The following DPP10 variants were observed in gnomAD, a reference collection of about 807,000 sequenced individuals.
DPP10 encodes the protein inactive dipeptidyl peptidase 10.
Under a neutral mutation model 120.9 loss-of-function variants are expected in DPP10, and 33 were observed. That is an observed-to-expected ratio of 0.27 (90% CI 0.21 to 0.37). DPP10 has a LOEUF of 0.37. Ranked by LOEUF, DPP10 falls within the 10% of genes least tolerant of loss-of-function variation. The probability of loss-of-function intolerance (pLI) is 1.00; values close to 1 mark genes in which losing one functional copy is unlikely to be tolerated. For synonymous variants in DPP10, 337 were observed against 326.1 expected (o/e 1.03, Z -0.36); for missense variants, 816 against 942.8 (o/e 0.87, Z 1.76).
chr2:115,518,654 AATTAT>A (rs2077631707), intron 4 of DPP10, among the ~76,000 whole-genome samples: 1 of 152,046 alleles, frequency 6.6e-6, no homozygotes, highest in Non-Finnish European at 1.5e-5. Context: ...TTAAAATAAT[AATTAT>A]ATTATTTTTG....
At chr2:115,585,530 G>T (rs2082235731) in intron 5 of DPP10, among the ~76,000 whole-genome samples, 1 of 152,046 alleles carries the variant, frequency 6.6e-6, no homozygotes, top group Admixed American at 6.6e-5. Flanking sequence ...GAATAAAAAA[G>T]GTAAATAAGT....
Position 115,578,264 on chromosome 2 carries a change from GA to G in DPP10, c.441+52295del, listed in dbSNP as rs1007888997. ...TTGTGCACCATAAGGGAATCCATTT[GA>G]AATGTAGAAGTTGACTCCAATGACA... On this transcript the variant is annotated intron_variant, in intron 5 of 25. Coordinates refer to ENST00000410059, the MANE Select transcript of DPP10 (RefSeq NM_020868.6). 1.3e-4 allele frequency among the ~76,000 whole-genome samples: 20 copies of G among 152,170 alleles called. No individual in the cohort carries two copies. The Middle Eastern group carries it at 0.01, about 78-fold the overall frequency.
intron 3 of DPP10, among the ~76,000 whole-genome samples, chr2:115,489,213 A>C (rs1055081674): frequency 1.3e-5 from 2 of 152,038 alleles, no homozygotes; most frequent in Non-Finnish European, 2.9e-5. Flanking sequence ...AGCAGCCATG[A>C]GCAATAAATA....
chr2:114,983,111 T>G (rs1700189457), intron 1 of DPP10, among the ~76,000 whole-genome samples: 1 of 152,162 alleles, frequency 6.6e-6, no homozygotes, highest in Admixed American at 6.6e-5. Flanking sequence ...ATACACTTGA[T>G]TATTAATTTT....
intron 3 of DPP10, among the ~76,000 whole-genome samples, chr2:115,436,984 A>G (rs992781731): frequency 2.6e-5 from 4 of 151,982 alleles, no homozygotes; most frequent in East Asian, 1.9e-4. Flanking sequence ...ATAAGATACA[A>G]TATTTCTCAA....
intron 13 of DPP10, among the ~76,000 whole-genome samples, chr2:115,775,099 G>A (rs1363122900): frequency 6.6e-6 from 1 of 151,806 alleles, no homozygotes; most frequent in South Asian, 2.1e-4. Flanking sequence ...ACGAAAATAT[G>A]CAATACATAT....
intron 1 of DPP10, among the ~76,000 whole-genome samples, chr2:114,665,093 C>G (rs1573921210): frequency 6.6e-6 from 1 of 152,304 alleles, no homozygotes; most frequent in African/African-American, 2.4e-5. Flanking sequence ...CATAGGTCTC[C>G]TATAAATTCA....
At chr2:114,925,072 A>G (rs1465282432) in intron 1 of DPP10, among the ~76,000 whole-genome samples, 1 of 151,988 alleles carries the variant, frequency 6.6e-6, no homozygotes, top group South Asian at 2.1e-4. Context: ...TTATCTGGGC[A>G]TAGTGGCGGG....
chr2:115,784,323 C>T lies in DPP10; in HGVS notation c.1531+1924C>T, dbSNP rs548327164. On this transcript the variant is annotated intron_variant, in intron 17 of 25. Coordinates refer to ENST00000410059, the MANE Select transcript of DPP10 (RefSeq NM_020868.6). ...TTGGGCCACATGAAGTAGAATAGTGCATGGAGAGAAAATTTTAAAAAAGAA... is the reference window on the plus strand; with the variant it reads ...TTGGGCCACATGAAGTAGAATAGTGTATGGAGAGAAAATTTTAAAAAAGAA... Among the ~76,000 whole-genome samples the T allele has an allele frequency of 3.3e-5, 5 of 152,000 alleles. No individual in the cohort carries two copies. In the East Asian group the frequency reaches 5.8e-4, roughly 18 times the overall value.
At position 115,842,448 on chromosome 2, in the gene DPP10, C is replaced by T. The variant is rs1240305594; in HGVS notation, c.*103C>T. On this transcript the variant is annotated 3_prime_UTR_variant, in exon 26 of 26. Transcript: ENST00000410059. ...GCTCCAGAATGTCAAGGGCAGCTTACGGAGATGTCACTGGAGCAGCACGCT... is the reference window on the plus strand; with the variant it reads ...GCTCCAGAATGTCAAGGGCAGCTTATGGAGATGTCACTGGAGCAGCACGCT... 5 of 1,385,216 alleles carry T rather than the reference C, an allele frequency of 3.6e-6. No individual in the cohort carries two copies. The highest frequency in any genetic ancestry group is 4.7e-5 in the East Asian group (2 of 42,380). The allele number at this position is 1,385,216 out of a possible 1,614,324, so 85.8% of individuals were successfully genotyped here.
At chr2:115,100,014 A>G (rs2048600530) in intron 1 of DPP10, among the ~76,000 whole-genome samples, 1 of 152,204 alleles carries the variant, frequency 6.6e-6, no homozygotes, top group South Asian at 2.1e-4. Context: ...AGGCAAATCT[A>G]TTCTTGGTTA....
chr2:115,503,878 A>G (rs2076811100), intron 4 of DPP10, among the ~76,000 whole-genome samples: 1 of 152,106 alleles, frequency 6.6e-6, no homozygotes, highest in South Asian at 2.1e-4. Context: ...GAGGTCAGAA[A>G]TGTGCATCCT....
At chr2:115,158,083 C>A (rs950885455) in intron 1 of DPP10, among the ~76,000 whole-genome samples, 16 of 152,198 alleles carry the variant, frequency 1.1e-4, no homozygotes, top group Non-Finnish European at 2.9e-5. Flanking sequence ...GACATATCAG[C>A]TGTTAGCTAG....
chr2:115,587,528 T>A (rs2082373835), intron 5 of DPP10, among the ~76,000 whole-genome samples: 1 of 152,220 alleles, frequency 6.6e-6, no homozygotes, highest in African/African-American at 2.4e-5. Context: ...AGTTCATCAA[T>A]GTTGTCAAAA....
intron 2 of DPP10, among the ~76,000 whole-genome samples, chr2:115,324,206 G>T (rs1202004842): frequency 1.3e-5 from 2 of 152,130 alleles, no homozygotes; most frequent in Non-Finnish European, 2.9e-5. Flanking sequence ...AACCCAGGAG[G>T]TGGAGGTTGC....
intron 1 of DPP10, among the ~76,000 whole-genome samples, chr2:114,683,603 TCTTG>T (rs930405435): frequency 2.7e-5 from 4 of 150,514 alleles, no homozygotes; most frequent in Admixed American, 6.6e-5. Flanking sequence ...TTTCTTTCTT[TCTTG>T]CTTGCTTGCT....
intron 1 of DPP10, among the ~76,000 whole-genome samples, chr2:114,856,032 T>G (rs1003972858): frequency 4.6e-5 from 7 of 151,200 alleles, no homozygotes; most frequent in African/African-American, 1.5e-4. Flanking sequence ...TTTTTAAAAT[T>G]TAATAAACCA....
intron 1 of DPP10, among the ~76,000 whole-genome samples, chr2:115,100,250 T>G (rs1272137502): frequency 6.6e-6 from 1 of 152,108 alleles, no homozygotes; most frequent in Non-Finnish European, 1.5e-5. Flanking sequence ...GAGGCCAGCC[T>G]GGGCAACAGG....
At chr2:115,041,709 G>A (rs970601974) in intron 1 of DPP10, among the ~76,000 whole-genome samples, 5 of 152,100 alleles carry the variant, frequency 3.3e-5, no homozygotes, top group African/African-American at 1.2e-4. Context: ...CACCCTTGCT[G>A]CCTCAAGAAT....
Sources: gnomAD v4.1 joint callset for allele counts (sites outside exome capture counted in the v4.1 genomes callset) on GRCh38, gnomAD v4.1.1 for gene constraint, MANE v1.5 for transcripts, NCBI Gene and HGNC (gene_info 2026-07-23, HGNC 2026-07-21) for gene names.